COL5A2: variants seen among roughly 807,000 people sequenced by gnomAD.
COL5A2 encodes the protein collagen type V alpha 2 chain.
In COL5A2, 23 loss-of-function variants were observed where a neutral mutation model predicts 208.2. That is an observed-to-expected ratio of 0.11 (90% CI 0.08 to 0.16). The LOEUF (loss-of-function observed/expected upper bound fraction) is 0.16, where lower values mean the gene tolerates loss of function less well. Ranked by LOEUF, COL5A2 falls within the 10% of genes least tolerant of loss-of-function variation. The pLI is 1.00. For synonymous variants in COL5A2, 625 were observed against 628.5 expected, an observed-to-expected ratio of 0.99 and a Z score of 0.08; for missense variants, 1,590 against 1,956.4, an observed-to-expected ratio of 0.81 and a Z score of 3.53.
chr2:189,440,215 T>C, the COL5A2 span, among the ~76,000 whole-genome samples: 2 of 152,372 alleles, frequency 1.3e-5, no homozygotes, highest in African/African-American at 4.8e-5. Flanking sequence ...CCTTTGTGAA[T>C]ATTGTATTTC....
chr2:189,291,420 AG>A, the COL5A2 span, among the ~76,000 whole-genome samples: 4 of 152,174 alleles, frequency 2.6e-5, no homozygotes, highest in African/African-American at 9.6e-5. Context: ...CAATTTCATA[AG>A]AATAAAATGA....
At chr2:189,208,276 A>G (rs889651180) in intron 1 of COL5A2, among the ~76,000 whole-genome samples, 3 of 152,222 alleles carry the variant, frequency 2.0e-5, no homozygotes, top group African/African-American at 4.8e-5. Flanking sequence ...TGTTTTGTTC[A>G]TTGTTGTACA....
chr2:189,146,933 T>G (rs1481624247), intron 1 of COL5A2, among the ~76,000 whole-genome samples: 1 of 152,110 alleles, frequency 6.6e-6, no homozygotes, highest in African/African-American at 2.4e-5. Context: ...GAAAAAGATT[T>G]GTGAAACTAT....
At chr2:189,431,921 G>A in the COL5A2 span, among the ~76,000 whole-genome samples, 1 of 152,078 alleles carries the variant, frequency 6.6e-6, no homozygotes, top group Non-Finnish European at 1.5e-5. Flanking sequence ...AGAAATGAAG[G>A]AAAAAATGTT....
intron 1 of COL5A2, among the ~76,000 whole-genome samples, chr2:189,190,890 G>C (rs1446583068): frequency 6.6e-6 from 1 of 152,118 alleles, no homozygotes; most frequent in Admixed American, 6.5e-5. Flanking sequence ...ACAGGATATT[G>C]TCCTGGCCCA....
chr2:189,041,336 T>C (rs546713594), intron 50 of COL5A2, among the ~76,000 whole-genome samples: 22 of 152,354 alleles, frequency 1.4e-4, no homozygotes, highest in African/African-American at 3.8e-4. Flanking sequence ...AATACAATTA[T>C]AACTTGTTCT....
chr2:189,359,034 T>A, the COL5A2 span, among the ~76,000 whole-genome samples: 2 of 152,162 alleles, frequency 1.3e-5, no homozygotes, highest in East Asian at 3.8e-4. Flanking sequence ...CTATTTAACT[T>A]CTCCTTTCCC....
chr2:189,335,788 T>C, the COL5A2 span, among the ~76,000 whole-genome samples: 2 of 151,912 alleles, frequency 1.3e-5, no homozygotes, highest in African/African-American at 4.8e-5. Flanking sequence ...TGCTAATAGA[T>C]ATGGGGTATA....
chr2:189,171,647 G>A (rs914711283), intron 1 of COL5A2, among the ~76,000 whole-genome samples: 6 of 152,206 alleles, frequency 3.9e-5, no homozygotes, highest in African/African-American at 1.4e-4. Context: ...TTGAAGGGAA[G>A]CCAATAAATT....
chr2:189,194,604 A>T (rs1490971057), intron 1 of COL5A2, among the ~76,000 whole-genome samples: 2 of 152,172 alleles, frequency 1.3e-5, no homozygotes, highest in African/African-American at 4.8e-5. Context: ...CAGTTGTTAA[A>T]TTCTTAAGCT....
At chr2:189,244,419 G>A in the COL5A2 span, among the ~76,000 whole-genome samples, 1 of 152,168 alleles carries the variant, frequency 6.6e-6, no homozygotes. Flanking sequence ...CTCTAAGGCG[G>A]AGGCAAAATG....
chr2:189,276,417 T>C, the COL5A2 span, among the ~76,000 whole-genome samples: 4,334 of 152,280 alleles, frequency 0.028, 99 homozygotes, highest in South Asian at 0.05. Context: ...TGTTGCTCAC[T>C]TACAGTAAAT....
At chr2:189,111,586 A>AC (rs199747462) in intron 1 of COL5A2, among the ~76,000 whole-genome samples, 2 of 70,846 alleles carry the variant, frequency 2.8e-5, no homozygotes, top group East Asian at 8.3e-4. Context: ...CCCTGCAAAA[A>AC]TTAGACTTCC....
the COL5A2 span, among the ~76,000 whole-genome samples, chr2:189,240,486 A>C: frequency 6.6e-6 from 1 of 152,198 alleles, no homozygotes; most frequent in African/African-American, 2.4e-5. Context: ...TAGGACTTCA[A>C]CGTGTGAATT....
chr2:189,124,273 G>C (rs1462130435), intron 1 of COL5A2, among the ~76,000 whole-genome samples: 3 of 152,074 alleles, frequency 2.0e-5, no homozygotes, highest in African/African-American at 7.2e-5. Context: ...GCCACCAAAT[G>C]TTACCATGCT....
chr2:189,175,242 G>A lies in COL5A2; in HGVS notation c.97+4266C>T, dbSNP rs538822940. On this transcript the variant is annotated intron_variant, in intron 1 of 53. Coordinates refer to ENST00000374866, the MANE Select transcript of COL5A2 (RefSeq NM_000393.5). ...TTGTGTGACCATATGACTAAATTCC[G>A]GCCAACTGTAAGTAAGTTTAAATGT... 7.9e-5 allele frequency among the ~76,000 whole-genome samples: 12 copies of A among 152,046 alleles called. No homozygotes were observed. The South Asian group carries it at 8.3e-4, about 11-fold the overall frequency.
the COL5A2 span, among the ~76,000 whole-genome samples, chr2:189,286,899 T>A: frequency 6.6e-6 from 1 of 152,158 alleles, no homozygotes; most frequent in African/African-American, 2.4e-5. Context: ...AATTTTTACC[T>A]ATTATTCTTT....
intron 46 of COL5A2, 97 bp downstream of exon 46, chr2:189,045,703 G>A (rs1306179718): frequency 1.1e-6 from 1 of 919,926 alleles, no homozygotes; most frequent in Non-Finnish European, 1.8e-6. Context: ...CCTTAACGAA[G>A]TGCACATGTA....
chr2:189,196,668 C>A (rs982998032), intron 1 of COL5A2, among the ~76,000 whole-genome samples: 1 of 152,174 alleles, frequency 6.6e-6, no homozygotes, highest in Non-Finnish European at 1.5e-5. Context: ...CAGCTTCCTA[C>A]TTTCTTGTCA....
Sources: gnomAD v4.1 joint callset for allele counts (sites outside exome capture counted in the v4.1 genomes callset) on GRCh38, gnomAD v4.1.1 for gene constraint, MANE v1.5 for transcripts, NCBI Gene and HGNC (gene_info 2026-07-23, HGNC 2026-07-21) for gene names.